Variants in MYO7B observed in about 807,000 individuals in gnomAD.
MYO7B encodes myosin VIIB.
In MYO7B, 212 loss-of-function variants were observed where a neutral mutation model predicts 259.7. The observed-to-expected ratio is 0.82, with a 90% CI of 0.73 to 0.91. The LOEUF (loss-of-function observed/expected upper bound fraction) is 0.91, where lower values mean the gene tolerates loss of function less well. Ranked by LOEUF, MYO7B falls within the 40% of genes least tolerant of loss-of-function variation. The probability of loss-of-function intolerance (pLI) is 0.00; values close to 1 mark genes in which losing one functional copy is unlikely to be tolerated. For synonymous variants in MYO7B, 1,197 were observed against 1,166.4 expected, an observed-to-expected ratio of 1.03 and a Z score of -0.54; for missense variants, 2,732 against 2,813.5, an observed-to-expected ratio of 0.97 and a Z score of 0.66.
rs1364542915 is a variant in MYO7B at position 127,590,456 on chromosome 2, T to C, written c.1992+227T>C. On this transcript the variant is annotated intron_variant, in intron 16 of 47. Coordinates refer to ENST00000409816, the MANE Select transcript of MYO7B (RefSeq NM_001393586.1). The surrounding 1 kb of genome is among the most constrained non-coding windows in gnomAD (Gnocchi z 4.6). ...GACCTCAGTTCCCTTAGCTCCGCCATGCATCTTCTGTGCGTTCTTGGCCTG... is the reference window on the plus strand; with the variant it reads ...GACCTCAGTTCCCTTAGCTCCGCCACGCATCTTCTGTGCGTTCTTGGCCTG... Among the ~76,000 whole-genome samples the C allele has an allele frequency of 6.6e-6, 1 of 152,268 alleles. No homozygotes were observed. Among genetic ancestry groups the C allele is most frequent in the Admixed American group, 6.5e-5 (1 of 15,290 alleles).
At chr2:127,617,476 C>T (rs1288840406) in intron 26 of MYO7B, among the ~76,000 whole-genome samples, 1 of 140,570 alleles carries the variant, frequency 7.1e-6, no homozygotes, top group Admixed American at 7.1e-5. Context: ...TGCCAGCAGA[C>T]TTGTAACGGG....
At position 127,627,311 on chromosome 2, in the gene MYO7B, G is replaced by C; in HGVS notation, c.4460+1G>C. On this transcript the variant is annotated splice_donor_variant, in intron 33 of 47. Coordinates refer to ENST00000409816, the MANE Select transcript of MYO7B (RefSeq NM_001393586.1). LOFTEE classifies it high-confidence loss of function. This position sits in a 1 kb window ranked among gnomAD's most constrained non-coding sequence, Gnocchi z 5.6. ...AGGTCATGGGTCTGGCCACCAACAG[G>C]TGCGGGCCCTGAGGGAAGATCTCTT... 1 of 1,613,128 alleles carries C rather than the reference G, an allele frequency of 6.2e-7. No homozygotes were observed. Among genetic ancestry groups the C allele is most frequent in the Non-Finnish European group, 8.5e-7 (1 of 1,179,824 alleles).
rs1054070539 is a variant in MYO7B, at chr2:127,610,023, G to C, written c.3192+7G>C. ...GCACAGTAGATCTGCACAGGCAAGT[G>C]GGGGGCAGCAGCGGGCAGAGGAGGG... On this transcript the variant is annotated splice_region_variant and intron_variant, in intron 24 of 47. Transcript: ENST00000409816. 3 of 1,607,996 alleles carry C rather than the reference G, an allele frequency of 1.9e-6. No homozygotes were observed. The highest frequency in any genetic ancestry group is 1.3e-5 in the African/African-American group (1 of 74,848).
At chr2:127,623,648 C>T (rs577121151) in intron 29 of MYO7B, among the ~76,000 whole-genome samples, 13 of 152,310 alleles carry the variant, frequency 8.5e-5, no homozygotes, top group East Asian at 5.8e-4. Flanking sequence ...CCAGCAGCCA[C>T]GCACAGACAT....
In MYO7B at chr2:127,636,987, C is replaced by T. The variant is rs1452810578; in HGVS notation, c.6327+74C>T. 12 of 1,585,414 alleles carry T rather than the reference C, an allele frequency of 7.6e-6. No individual in the cohort carries two copies. The highest frequency in any genetic ancestry group is 1.3e-5 in the African/African-American group (1 of 74,596). ...TGGAGACTGGGTTCCCCACCCTCAC[C>T]CCTTTCAAGTGGCTCACTAAGAGGG... On this transcript the variant is annotated intron_variant, in intron 47 of 47. Coordinates refer to ENST00000409816, the MANE Select transcript of MYO7B (RefSeq NM_001393586.1). This position sits in a 1 kb window ranked among gnomAD's most constrained non-coding sequence, Gnocchi z 4.5.
At chr2:127,580,045 C>A (rs1277121684) in intron 9 of MYO7B, among the ~76,000 whole-genome samples, 1 of 152,200 alleles carries the variant, frequency 6.6e-6, no homozygotes, top group East Asian at 1.9e-4. Context: ...TGGGTGCTGG[C>A]AGATCCTAGA....
intron 1 of MYO7B, among the ~76,000 whole-genome samples, chr2:127,540,472 CT>C (rs1156812920): frequency 6.6e-6 from 1 of 152,190 alleles, no homozygotes; most frequent in Non-Finnish European, 1.5e-5. Context: ...CCGCAAGTGT[CT>C]TTTTCATATA....
Position 127,545,732 on chromosome 2 carries a change from A to G in MYO7B, c.-24+9901A>G, listed in dbSNP as rs1490434814. 9.9e-5 allele frequency among the ~76,000 whole-genome samples: 15 copies of G among 152,176 alleles called. No homozygotes were observed. The East Asian group carries it at 2.9e-3, about 29-fold the overall frequency. Reference sequence around the variant, plus strand: ...TATGGGAAATAATCATATGTGCCTCACGGGCTTATTGTGCAATGGAAGGGG... The same window carrying G: ...TATGGGAAATAATCATATGTGCCTCGCGGGCTTATTGTGCAATGGAAGGGG... On this transcript the variant is annotated intron_variant, in intron 1 of 47. Transcript: ENST00000409816.
Position 127,580,684 on chromosome 2 carries a change from G to C in MYO7B, c.1004-62G>C, listed in dbSNP as rs567040431. 8 of 1,512,368 alleles carry C rather than the reference G, an allele frequency of 5.3e-6. No homozygotes were observed. In the Admixed American group the frequency reaches 7.6e-5, roughly 14 times the overall value. The allele number at this position is 1,512,368 out of a possible 1,614,324, so 93.7% of individuals were successfully genotyped here. On this transcript the variant is annotated intron_variant, in intron 9 of 47. Transcript: ENST00000409816. Reference sequence around the variant, plus strand: ...GGGCTGCCAAGGGCCCGGGCCAGTCGGGACCTTGCTCCCATCGCTCCAGGC... The same window carrying C: ...GGGCTGCCAAGGGCCCGGGCCAGTCCGGACCTTGCTCCCATCGCTCCAGGC...
chr2:127,627,677 C>T lies in MYO7B; in HGVS notation c.4460+367C>T, dbSNP rs765991717. The T allele has an allele frequency of 1.5e-4, 70 of 463,312 alleles. No homozygotes were observed. The highest frequency in any genetic ancestry group is 6.7e-4 in the South Asian group (43 of 64,618). The allele number at this position is 463,312 out of a possible 1,614,324, so 28.7% of individuals were successfully genotyped here. A position where few individuals can be genotyped will look rare whatever the true frequency, so the allele number is the denominator to read the frequency against. On this transcript the variant is annotated intron_variant, in intron 33 of 47. Coordinates refer to ENST00000409816, the MANE Select transcript of MYO7B (RefSeq NM_001393586.1). The surrounding 1 kb of genome is among the most constrained non-coding windows in gnomAD (Gnocchi z 5.6). ...GGAGGGTACAGGTTGTCTGGGAAGGCGACAAGGGACAGTGCCTGGTGTGTC... is the reference window on the plus strand; with the variant it reads ...GGAGGGTACAGGTTGTCTGGGAAGGTGACAAGGGACAGTGCCTGGTGTGTC...
At chr2:127,619,383 G>A (rs1396133729) in intron 26 of MYO7B, among the ~76,000 whole-genome samples, 5 of 144,908 alleles carry the variant, frequency 3.5e-5, no homozygotes, top group South Asian at 2.2e-4. Context: ...AGTGGGTGCC[G>A]GCTGGGTGGT....
intron 19 of MYO7B, among the ~76,000 whole-genome samples, chr2:127,604,023 C>T (rs557974321): frequency 5.3e-5 from 8 of 152,286 alleles, no homozygotes; most frequent in African/African-American, 1.7e-4. Context: ...GTCCCAGCTA[C>T]TCGGGAGGCT....
rs75751726 is a variant in MYO7B at position 127,586,194 on chromosome 2, G to A, written c.1690+1281G>A. Among the ~76,000 whole-genome samples the A allele has an allele frequency of 0.031, 4,740 of 152,160 alleles. 100 individuals carry two copies. Among genetic ancestry groups the A allele is most frequent in the African/African-American group, 0.057 (2,378 of 41,484 alleles). ...AGATTTTTTTAGTGTTAGTTTTTAC[G>A]TTAGGTCTTTGACCCATTTTGAGTT... On this transcript the variant is annotated intron_variant, in intron 14 of 47. Transcript: ENST00000409816. This position sits in a 1 kb window ranked among gnomAD's most constrained non-coding sequence, Gnocchi z 4.8.
rs1414511567 is a variant in MYO7B at position 127,539,580 on chromosome 2, C to A, written c.-24+3749C>A. ...GAAGATTTCTCAGGGACTATCTCTA[C>A]ATGAGGGAGGGCACCTCACGGGCTA... On this transcript the variant is annotated intron_variant, in intron 1 of 47. Transcript: ENST00000409816. This position sits in a 1 kb window ranked among gnomAD's most constrained non-coding sequence, Gnocchi z 4.0. Among the ~76,000 whole-genome samples, 1 of 151,162 alleles carries A rather than the reference C, an allele frequency of 6.6e-6. No individual in the cohort carries two copies. The highest frequency in any genetic ancestry group is 2.4e-5 in the African/African-American group (1 of 41,404).
intron 9 of MYO7B, among the ~76,000 whole-genome samples, chr2:127,578,657 C>T (rs1180564961): frequency 6.6e-6 from 1 of 152,148 alleles, no homozygotes; most frequent in Non-Finnish European, 1.5e-5. Context: ...CACCCCCAAG[C>T]ACCTAACGGC....
chr2:127,555,744 A>G (rs894765816), intron 1 of MYO7B, among the ~76,000 whole-genome samples: 2 of 152,150 alleles, frequency 1.3e-5, no homozygotes, highest in African/African-American at 4.8e-5. Context: ...GGTTTATTCC[A>G]CTGTGGTCTG....
At position 127,628,273 on chromosome 2, in the gene MYO7B, T is replaced by G. The variant is rs749323417; in HGVS notation, c.4461-99T>G. 12 of 1,422,024 alleles carry G rather than the reference T, an allele frequency of 8.4e-6. No individual in the cohort carries two copies. The highest frequency in any genetic ancestry group is 1.2e-5 in the Non-Finnish European group (12 of 1,042,966). 88.1% of individuals were successfully genotyped at this position (1,422,024 alleles called of 1,614,324 possible). A position where few individuals can be genotyped will look rare whatever the true frequency, so the allele number is the denominator to read the frequency against. ...GGCAGAGCAGCTCTGTGTCCTCATCTGTGACTCAGGACCCCCAACCCCACC... is the reference window on the plus strand; with the variant it reads ...GGCAGAGCAGCTCTGTGTCCTCATCGGTGACTCAGGACCCCCAACCCCACC... On this transcript the variant is annotated intron_variant, in intron 33 of 47. Coordinates refer to ENST00000409816, the MANE Select transcript of MYO7B (RefSeq NM_001393586.1). The surrounding 1 kb of genome is among the most constrained non-coding windows in gnomAD (Gnocchi z 4.8).
In MYO7B at chr2:127,633,245, C is replaced by T; in HGVS notation, c.5406-13C>T. The stretch of plus-strand genomic sequence containing the variant: ...GTGGGGGTGGCACCTGCAGCACACG[C>T]TGTCCCCCTCAGGACGGGGCCCCGG... On this transcript the variant is annotated splice_polypyrimidine_tract_variant and intron_variant, in intron 39 of 47. Coordinates refer to ENST00000409816, the MANE Select transcript of MYO7B (RefSeq NM_001393586.1). The T allele has an allele frequency of 6.3e-7, 1 of 1,598,584 alleles. No individual in the cohort carries two copies. Among genetic ancestry groups the T allele is most frequent in the Non-Finnish European group, 8.5e-7 (1 of 1,172,178 alleles).
At position 127,615,653 on chromosome 2, in the gene MYO7B, G is replaced by A. The variant is rs566062486; in HGVS notation, c.3398+3050G>A. On this transcript the variant is annotated intron_variant, in intron 26 of 47. Transcript: ENST00000409816. This position sits in a 1 kb window ranked among gnomAD's most constrained non-coding sequence, Gnocchi z 4.4. ...ACTGCCCTCAGCATTCCTTCTGGGCGGTAGACGCGGTTTGTCAGTTGGCCA... is the reference window on the plus strand; with the variant it reads ...ACTGCCCTCAGCATTCCTTCTGGGCAGTAGACGCGGTTTGTCAGTTGGCCA... Among the ~76,000 whole-genome samples the A allele has an allele frequency of 4.2e-4, 64 of 152,104 alleles. No individual in the cohort carries two copies. Among genetic ancestry groups the A allele is most frequent in the African/African-American group, 1.5e-3 (62 of 41,480 alleles).
Sources: gnomAD v4.1 joint callset for allele counts (sites outside exome capture counted in the v4.1 genomes callset) on GRCh38, gnomAD v4.1.1 for gene constraint, Gnocchi (gnomAD v3.1) non-coding constraint, MANE v1.5 for transcripts, NCBI Gene and HGNC (gene_info 2026-07-23, HGNC 2026-07-21) for gene names.